MTSS2: variants seen among roughly 807,000 people sequenced by gnomAD.
The protein encoded by MTSS2 is MTSS I-BAR domain containing 2.
Under a neutral mutation model 67.1 loss-of-function variants are expected in MTSS2, and 27 were observed. That is an observed-to-expected ratio of 0.40 (90% CI 0.30 to 0.55). MTSS2 has a LOEUF of 0.55. Ranked by LOEUF, MTSS2 falls within the 20% of genes least tolerant of loss-of-function variation. The probability of loss-of-function intolerance (pLI) is 0.43; values close to 1 mark genes in which losing one functional copy is unlikely to be tolerated. For synonymous variants in MTSS2, 624 were observed against 468.6 expected (o/e 1.33, Z -4.28); for missense variants, 1,171 against 1,067.8 (o/e 1.10, Z -1.35).
chr16:70,685,893 G>C lies in MTSS2; in HGVS notation c.-102C>G, dbSNP rs2053443712. ...GCGCGGGCGCTCGCTCCGAGGCCGG[G>C]CCGGGCCTCCCGCCTCCAGGCTGCG... On this transcript the variant is annotated 5_prime_UTR_variant, in exon 1 of 15. Coordinates refer to ENST00000338779, the MANE Select transcript of MTSS2 (RefSeq NM_138383.3). 1 of 537,410 alleles carries C rather than the reference G, an allele frequency of 1.9e-6. No individual in the cohort carries two copies. Among genetic ancestry groups the C allele is most frequent in the Non-Finnish European group, 2.4e-6 (1 of 424,938 alleles). The allele number at this position is 537,410 out of a possible 1,614,324, so 33.3% of individuals were successfully genotyped here.
At chr16:70,682,909 TGGCGGGGTCAG>T (rs1360692305) in intron 1 of MTSS2, among the ~76,000 whole-genome samples, 355 of 152,068 alleles carry the variant, frequency 2.3e-3, no homozygotes, top group African/African-American at 8.1e-3. Flanking sequence ...GGCCACAGGG[TGGCGGGGTCAG>T]GACCTGATCC....
chr16:70,676,832 C>T (rs1597818291), intron 10 of MTSS2, 49 bp downstream of exon 10: 3 of 1,532,272 alleles, frequency 2.0e-6, no homozygotes, highest in Non-Finnish European at 2.7e-6. Flanking sequence ...TCCCCACTTC[C>T]TCTTGGGATA....
rs1221530887 is a variant in MTSS2 at position 70,679,767 on chromosome 16, G to A, written c.382+19C>T. 3 of 1,610,464 alleles carry A rather than the reference G, an allele frequency of 1.9e-6. No individual in the cohort carries two copies. Among genetic ancestry groups the A allele is most frequent in the East Asian group, 2.2e-5 (1 of 44,726 alleles). Reference sequence around the variant, plus strand: ...CTGCGGAGTGGGGGGTGGGAAGCCCGGCTCCGCGCCACCCTCACCTTTCGC... The same window carrying A: ...CTGCGGAGTGGGGGGTGGGAAGCCCAGCTCCGCGCCACCCTCACCTTTCGC... On this transcript the variant is annotated intron_variant, in intron 5 of 14. Coordinates refer to ENST00000338779, the MANE Select transcript of MTSS2 (RefSeq NM_138383.3).
intron 9 of MTSS2, 129 bp from the exon 10 acceptor site, chr16:70,677,107 C>T: frequency 1.5e-6 from 1 of 688,300 alleles, no homozygotes; most frequent in Non-Finnish European, 2.4e-6. Flanking sequence ...AGCCCCCTCC[C>T]CCAGGCTCCT....
chr16:70,674,663 G>T, intron 10 of MTSS2, 135 bp from the exon 11 acceptor site: 1 of 758,476 alleles, frequency 1.3e-6, no homozygotes, highest in Non-Finnish European at 2.2e-6. Context: ...AGACTAGGAG[G>T]TCCTGAGACC....
chr16:70,678,524 C>T (rs2142881023), intron 7 of MTSS2, 115 bp from the exon 8 acceptor site: 1 of 1,309,902 alleles, frequency 7.6e-7, no homozygotes, highest in East Asian at 2.5e-5. Context: ...GGGTGTTGCC[C>T]TGGGGCCAGG....
intron 11 of MTSS2, among the ~76,000 whole-genome samples, chr16:70,668,784 G>A (rs28883880): frequency 0.062 from 9,403 of 152,268 alleles, 951 homozygotes; most frequent in African/African-American, 0.21. Flanking sequence ...TGACATCTAT[G>A]AACCACAAAG....
chr16:70,661,373 G>A lies in MTSS2; in HGVS notation c.*2304C>T, dbSNP rs1020894438. On this transcript the variant is annotated 3_prime_UTR_variant, in exon 15 of 15. Transcript: ENST00000338779. The stretch of plus-strand genomic sequence containing the variant: ...AAGAAACAAATGGTTCAGATGGGAC[G>A]GAGGGTGGGGGAGGGGGGGAGGGTG... 7.7e-6 allele frequency: 3 copies of A among 388,240 alleles called. 1 individual carries two copies. Among genetic ancestry groups the A allele is most frequent in the South Asian group, 3.8e-5 (2 of 52,728 alleles). 24.0% of individuals were successfully genotyped at this position (388,240 alleles called of 1,614,324 possible).
chr16:70,672,257 G>A (rs2142798376), intron 11 of MTSS2, among the ~76,000 whole-genome samples: 1 of 144,974 alleles, frequency 6.9e-6, no homozygotes, highest in East Asian at 2.1e-4. Context: ...TGAGGCAGGA[G>A]AATCACTTGA....
chr16:70,667,202 T>G (rs2052746561), intron 11 of MTSS2, among the ~76,000 whole-genome samples: 1 of 138,346 alleles, frequency 7.2e-6, no homozygotes, highest in Non-Finnish European at 1.5e-5. Context: ...GCCTAGGAAT[T>G]CAAGGCTGCA....
chr16:70,672,159 C>G (rs927821918), intron 11 of MTSS2, among the ~76,000 whole-genome samples: 7 of 151,866 alleles, frequency 4.6e-5, no homozygotes, highest in Non-Finnish European at 1.0e-4. Flanking sequence ...ACCAGCCTGA[C>G]CAACACGGTG....
Position 70,661,347 on chromosome 16 carries a change from A to G in MTSS2, c.*2330T>C, listed in dbSNP as rs1364674130. On this transcript the variant is annotated 3_prime_UTR_variant, in exon 15 of 15. Coordinates refer to ENST00000338779, the MANE Select transcript of MTSS2 (RefSeq NM_138383.3). The stretch of plus-strand genomic sequence containing the variant: ...ATTTTTCCAAAATCTGACGGAAAGA[A>G]AAGAAACAAATGGTTCAGATGGGAC... The G allele has an allele frequency of 2.2e-6, 1 of 448,978 alleles. No homozygotes were observed. Among genetic ancestry groups the G allele is most frequent in the Admixed American group, 2.4e-5 (1 of 41,984 alleles). The allele number at this position is 448,978 out of a possible 1,614,324, so 27.8% of individuals were successfully genotyped here.
At chr16:70,680,912 G>GGT (rs759928221) in intron 2 of MTSS2, 45 bp from the exon 3 acceptor site, 2 of 1,445,160 alleles carry the variant, frequency 1.4e-6, no homozygotes, top group Admixed American at 1.9e-5. Context: ...GTTGGGCGGG[G>GGT]GGGGGGCCTC....
chr16:70,678,664 C>T (rs138123842), intron 7 of MTSS2, among the ~76,000 whole-genome samples: 4 of 152,320 alleles, frequency 2.6e-5, no homozygotes, highest in Non-Finnish European at 4.4e-5. Context: ...GGGGCATCTC[C>T]GGGGGAGGCT....
intron 9 of MTSS2, among the ~76,000 whole-genome samples, chr16:70,677,243 G>A (rs1430643142): frequency 6.6e-6 from 1 of 152,212 alleles, no homozygotes; most frequent in Non-Finnish European, 1.5e-5. Context: ...ACACCATGGG[G>A]TGCAGGTTGC....
At chr16:70,674,999 G>A (rs1440525338) in intron 10 of MTSS2, among the ~76,000 whole-genome samples, 1 of 152,154 alleles carries the variant, frequency 6.6e-6, no homozygotes, top group Non-Finnish European at 1.5e-5. Flanking sequence ...TGTAATCTCA[G>A]CTACTTGGCA....
chr16:70,685,123 GTGA>G (rs2053411624), intron 1 of MTSS2, among the ~76,000 whole-genome samples: 3 of 150,948 alleles, frequency 2.0e-5, no homozygotes, highest in South Asian at 2.1e-4. Flanking sequence ...TCCTCCCAAG[GTGA>G]TGATCAAGGC....
At chr16:70,680,918 G>GGCCCC in intron 2 of MTSS2, 46 bp downstream of exon 2, 3 of 1,097,388 alleles carry the variant, frequency 2.7e-6, no homozygotes, top group East Asian at 2.6e-5. Flanking sequence ...CGGGGGGGGG[G>GGCCCC]CCTCTGCCTG....
intron 6 of MTSS2, 73 bp from the exon 7 acceptor site, chr16:70,679,396 AG>A: frequency 6.3e-7 from 1 of 1,584,150 alleles, no homozygotes; most frequent in African/African-American, 1.3e-5. Flanking sequence ...CCGGATGGAC[AG>A]AGCCACTCCT....
Sources: gnomAD v4.1 joint callset for allele counts (sites outside exome capture counted in the v4.1 genomes callset) on GRCh38, gnomAD v4.1.1 for gene constraint, MANE v1.5 for transcripts, NCBI Gene and HGNC (gene_info 2026-07-23, HGNC 2026-07-21) for gene names.